Variants in XPO6 observed in about 807,000 individuals in gnomAD.
XPO6 encodes exportin-6.
A neutral mutation model predicts 130.0 loss-of-function variants in XPO6; 3 were observed. The ratio of observed to expected loss-of-function variants is 0.02; its 90% CI spans 0.01 to 0.06. The LOEUF is 0.06. Ranked by LOEUF, XPO6 falls within the 10% of genes least tolerant of loss-of-function variation. XPO6 has a pLI of 1.00. For missense variants in XPO6, 970 were observed against 1,393.0 expected (o/e 0.70, Z 4.83); for synonymous variants, 524 against 548.9 (o/e 0.95, Z 0.63).
chr16:28,185,041 T>G (rs1394758426), intron 1 of XPO6, among the ~76,000 whole-genome samples: 1 of 152,206 alleles, frequency 6.6e-6, no homozygotes, highest in African/African-American at 2.4e-5. Context: ...ACCACTGGAA[T>G]GGATGAATAG....
chr16:28,186,718 C>CTGGAGTGCAG (rs2043702365), intron 1 of XPO6, among the ~76,000 whole-genome samples: 1 of 149,576 alleles, frequency 6.7e-6, no homozygotes, highest in African/African-American at 2.5e-5. Flanking sequence ...TCACCCCAGA[C>CTGGAGTGCAG]TGGAGTGCAG....
Position 28,164,581 on chromosome 16 carries a change from C to T in XPO6, c.643+1927G>A, listed in dbSNP as rs377172002. On this transcript the variant is annotated intron_variant, in intron 6 of 23. Coordinates refer to ENST00000304658, the MANE Select transcript of XPO6 (RefSeq NM_015171.4). ...ATTTCTCAAATACTAAAATCCAACA[C>T]TTCAAAAAATTTTAAGAGGCAATTC... Among the ~76,000 whole-genome samples, 3 of 152,206 alleles carry T rather than the reference C, an allele frequency of 2.0e-5. No individual in the cohort carries two copies. In the East Asian group the frequency reaches 5.8e-4, roughly 29 times the overall value.
intron 6 of XPO6, among the ~76,000 whole-genome samples, chr16:28,165,986 T>C (rs941225803): frequency 2.0e-5 from 3 of 152,242 alleles, no homozygotes; most frequent in African/African-American, 4.8e-5. Flanking sequence ...TAATAGCCTC[T>C]GCAAATATGC....
chr16:28,188,591 T>C (rs2043732844), intron 1 of XPO6, among the ~76,000 whole-genome samples: 1 of 149,368 alleles, frequency 6.7e-6, no homozygotes, highest in Admixed American at 6.7e-5. Flanking sequence ...ATGTAAACTT[T>C]CTCTGAAAGC....
chr16:28,156,599 CAA>C lies in XPO6; in HGVS notation c.644-74_644-73del, dbSNP rs34751450. On this transcript the variant is annotated intron_variant, in intron 6 of 23. Transcript: ENST00000304658. ...CAAATGACTTTAAGTAATTCTCCTT[CAA>C]AAAAATATATATATATATGTATACA... is the stretch of plus-strand genomic sequence containing the variant. The C allele has an allele frequency of 1.3e-5, 12 of 923,634 alleles. No homozygotes were observed. In the East Asian group the frequency reaches 2.1e-4, roughly 17 times the overall value. 57.2% of individuals were successfully genotyped at this position (923,634 alleles called of 1,614,324 possible). A position where few individuals can be genotyped will look rare whatever the true frequency, so the allele number is the denominator to read the frequency against.
chr16:28,121,576 C>T lies in XPO6; in HGVS notation c.1859+94G>A, dbSNP rs79394641. 9.8e-4 allele frequency: 907 copies of T among 925,844 alleles called. 14 individuals are homozygous for T. In the East Asian group the frequency reaches 0.022, roughly 22 times the overall value. 57.4% of individuals were successfully genotyped at this position (925,844 alleles called of 1,614,324 possible). A position where few individuals can be genotyped will look rare whatever the true frequency, so the allele number is the denominator to read the frequency against. ...TTAAGAGTTTTTCCCTGATTCATGG[C>T]AGCCACTACTGTTCCTTTTTCTCAA... On this transcript the variant is annotated intron_variant, in intron 14 of 23. Transcript: ENST00000304658.
intron 1 of XPO6, among the ~76,000 whole-genome samples, chr16:28,204,310 G>A (rs938881249): frequency 6.6e-6 from 1 of 152,066 alleles, no homozygotes; most frequent in African/African-American, 2.4e-5. Context: ...TCAGGGACTG[G>A]AAGTGCTGAA....
At chr16:28,209,216 T>C (rs919203648) in intron 1 of XPO6, 1 of 152,138 alleles carries the variant, frequency 6.6e-6, no homozygotes, top group African/African-American at 2.4e-5. Flanking sequence ...AAAAAACCTT[T>C]GGAGATATAT....
chr16:28,207,203 G>A (rs535472681), intron 1 of XPO6, among the ~76,000 whole-genome samples: 2 of 150,796 alleles, frequency 1.3e-5, no homozygotes, highest in East Asian at 1.9e-4. Flanking sequence ...AGCCAAGATC[G>A]TACCACTGCA....
intron 1 of XPO6, among the ~76,000 whole-genome samples, chr16:28,190,172 C>G (rs1348195726): frequency 6.6e-6 from 1 of 151,858 alleles, no homozygotes; most frequent in Non-Finnish European, 1.5e-5. Context: ...TGCATAAAAA[C>G]AAGACTCATC....
At chr16:28,108,673 G>A (rs560392257) in intron 17 of XPO6, among the ~76,000 whole-genome samples, 4 of 152,228 alleles carry the variant, frequency 2.6e-5, no homozygotes, top group Non-Finnish European at 5.9e-5. Context: ...GACCACCAGA[G>A]GCTGAGCCAG....
intron 1 of XPO6, among the ~76,000 whole-genome samples, chr16:28,207,098 A>G (rs2044043754): frequency 6.6e-6 from 1 of 152,042 alleles, no homozygotes; most frequent in African/African-American, 2.4e-5. Flanking sequence ...AAACACAAAA[A>G]TTAGCCGGGT....
intron 13 of XPO6, among the ~76,000 whole-genome samples, chr16:28,122,787 A>G (rs2087278454): frequency 6.6e-6 from 1 of 152,056 alleles, no homozygotes; most frequent in South Asian, 2.1e-4. Flanking sequence ...ATACATAATA[A>G]AAAAAATACA....
intron 6 of XPO6, 81 bp from the exon 7 acceptor site, chr16:28,156,608 AT>A: frequency 1.7e-5 from 15 of 872,422 alleles, no homozygotes; most frequent in Non-Finnish European, 2.4e-5. Context: ...TCAAAAAAAT[AT>A]ATATATATAT....
In XPO6 at chr16:28,112,025, G is replaced by T; in HGVS notation, c.2152-19C>A. 2 of 1,601,046 alleles carry T rather than the reference G, an allele frequency of 1.2e-6. No homozygotes were observed. Among genetic ancestry groups the T allele is most frequent in the Non-Finnish European group, 1.7e-6 (2 of 1,173,478 alleles). ...CCTGGGCCTACAAGAGACCCCAAAG[G>T]CATCCATCAGAGGTCAGAGCCAAAG... On this transcript the variant is annotated intron_variant, in intron 16 of 23. Transcript: ENST00000304658.
At chr16:28,152,074 ATG>A (rs71389527) in intron 8 of XPO6, among the ~76,000 whole-genome samples, 4 of 151,098 alleles carry the variant, frequency 2.6e-5, no homozygotes, top group Non-Finnish European at 4.4e-5. Context: ...TATATTTTTT[ATG>A]TGTGTGTGTG....
At chr16:28,201,671 A>AC (rs2043955461) in intron 1 of XPO6, among the ~76,000 whole-genome samples, 1 of 152,118 alleles carries the variant, frequency 6.6e-6, no homozygotes, top group African/African-American at 2.4e-5. Flanking sequence ...CCTGGCTAAC[A>AC]CGGTGAAACC....
chr16:28,190,010 T>C lies in XPO6; in HGVS notation c.4-8979A>G, dbSNP rs1305550970. On this transcript the variant is annotated intron_variant, in intron 1 of 23. Transcript: ENST00000304658. ...AGAAGCAAGATGACTGCCGGGTGTC[T>C]GGGCCAGGAAGTTCAACTGATCCCA... Among the ~76,000 whole-genome samples the C allele has an allele frequency of 3.9e-5, 6 of 152,188 alleles. No homozygotes were observed. In the East Asian group the frequency reaches 7.7e-4, roughly 20 times the overall value.
chr16:28,131,575 A>T (rs924803272), intron 12 of XPO6, among the ~76,000 whole-genome samples: 4 of 152,216 alleles, frequency 2.6e-5, no homozygotes, highest in African/African-American at 9.7e-5. Flanking sequence ...AGCTATTTCA[A>T]CATTTTGTCA....
Sources: gnomAD v4.1 joint callset for allele counts (sites outside exome capture counted in the v4.1 genomes callset) on GRCh38, gnomAD v4.1.1 for gene constraint, MANE v1.5 for transcripts, NCBI Gene and HGNC (gene_info 2026-07-23, HGNC 2026-07-21) for gene names.